Variants in TYW1B observed in about 807,000 individuals in gnomAD.
TYW1B encodes the protein S-adenosyl-L-methionine-dependent tRNA 4-demethylwyosine synthase TYW1B.
A neutral mutation model predicts 86.9 loss-of-function variants in TYW1B; 73 were observed. The observed-to-expected ratio is 0.84, with a 90% CI of 0.70 to 1.02. The LOEUF (loss-of-function observed/expected upper bound fraction) is 1.02. Ranked by LOEUF, TYW1B falls within the 50% of genes least tolerant of loss-of-function variation. The pLI, the probability that TYW1B is intolerant of heterozygous loss-of-function variation, is 0.00. For missense variants in TYW1B, 637 were observed against 827.4 expected, an observed-to-expected ratio of 0.77 and a Z score of 2.82; for synonymous variants, 248 against 292.8, an observed-to-expected ratio of 0.85 and a Z score of 1.56.
At position 72,807,237 on chromosome 7, in the gene TYW1B, T is replaced by C; in HGVS notation, c.552A>G (p.Arg184=). ...SKHGSIEANF[R]AWKTKFISQL... is the part of the protein sequence containing the mutation. ...GGGAGATGAACTTGGTCTTCCATGC[T>C]CTGAAGTTGGCCTCAATGCTGCCGT... The change falls in exon 5 of 14, where the codon AGA becomes AGG. Residue 184 remains arginine, a synonymous_variant. Transcript: ENST00000620995. The C allele has an allele frequency of 6.2e-7, 1 of 1,614,168 alleles. No homozygotes were observed. Among genetic ancestry groups the C allele is most frequent in the Non-Finnish European group, 8.5e-7 (1 of 1,180,030 alleles).
intron 11 of TYW1B, among the ~76,000 whole-genome samples, chr7:72,656,385 C>T (rs782320642): frequency 1.8e-4 from 28 of 152,208 alleles, no homozygotes; most frequent in Middle Eastern, 6.8e-3. Context: ...ATGATAAGGA[C>T]ACAAGAATGA....
intron 1 of TYW1B, 64 bp downstream of exon 1, chr7:72,828,008 G>A (rs1439279353): frequency 1.9e-6 from 3 of 1,606,842 alleles, no homozygotes; most frequent in African/African-American, 1.3e-5. Flanking sequence ...CGCCCGGAGA[G>A]GGTCTCAGTA....
rs1410902324 is a variant in TYW1B at position 72,623,810 on chromosome 7, AT to A, written c.1617+5076del. Among the ~76,000 whole-genome samples, 107 of 151,316 alleles carry A rather than the reference AT, an allele frequency of 7.1e-4. 1 individual carries two copies. Among genetic ancestry groups the A allele is most frequent in the African/African-American group, 2.5e-3 (102 of 41,298 alleles). On this transcript the variant is annotated intron_variant, in intron 12 of 13. Coordinates refer to ENST00000620995, the MANE Select transcript of TYW1B (RefSeq NM_001145440.3). ...TTATTATTGCTGTTGTTATTTATTA[AT>A]TTTTTTTTGAGATAGAGTCTTGCTC...
At chr7:72,673,197 A>T (rs1346393284) in intron 11 of TYW1B, among the ~76,000 whole-genome samples, 1 of 152,196 alleles carries the variant, frequency 6.6e-6, no homozygotes, top group Admixed American at 6.5e-5. Flanking sequence ...AAATAACTAC[A>T]GGTTTTGAAG....
intron 7 of TYW1B, among the ~76,000 whole-genome samples, chr7:72,745,165 T>C (rs1787373534): frequency 6.6e-6 from 1 of 152,168 alleles, no homozygotes; most frequent in African/African-American, 2.4e-5. Flanking sequence ...GCTGGGACTA[T>C]GGGTGTGAGC....
chr7:72,769,033 A>G, intron 7 of TYW1B: 1 of 347,080 alleles, frequency 2.9e-6, no homozygotes, highest in South Asian at 3.6e-5. Context: ...GTATTAAAAG[A>G]AGCCTACTCT....
Position 72,723,131 on chromosome 7 carries a change from T to C in TYW1B, c.1192+5691A>G, listed in dbSNP as rs1168891509. The C allele has an allele frequency of 1.6e-5, 11 of 668,628 alleles. No homozygotes were observed. The Admixed American group carries it at 2.4e-4, about 15-fold the overall frequency. 41.4% of individuals were successfully genotyped at this position (668,628 alleles called of 1,614,324 possible). A position where few individuals can be genotyped will look rare whatever the true frequency, so the allele number is the denominator to read the frequency against. On this transcript the variant is annotated intron_variant, in intron 9 of 13. Coordinates refer to ENST00000620995, the MANE Select transcript of TYW1B (RefSeq NM_001145440.3). ...TCTTGCCCCCTACCCCCAGGGCTTG[T>C]ATATAGATTATAAATATATAAGGGG... is the stretch of plus-strand genomic sequence containing the variant.
intron 10 of TYW1B, among the ~76,000 whole-genome samples, chr7:72,705,906 G>T (rs1814597515): frequency 6.6e-6 from 1 of 152,178 alleles, no homozygotes; most frequent in Non-Finnish European, 1.5e-5. Context: ...GTGGAGCTAT[G>T]TATAAGAAAT....
intron 10 of TYW1B, among the ~76,000 whole-genome samples, chr7:72,699,489 T>A (rs1814406415): frequency 6.6e-6 from 1 of 152,118 alleles, no homozygotes; most frequent in South Asian, 2.1e-4. Context: ...TGCATCTGGC[T>A]CCCCTGTGCC....
chr7:72,636,881 A>G (rs1319705691), intron 11 of TYW1B, among the ~76,000 whole-genome samples: 7 of 152,162 alleles, frequency 4.6e-5, no homozygotes, highest in Non-Finnish European at 1.0e-4. Flanking sequence ...AATTTGGTAT[A>G]AATATTCTGA....
chr7:72,827,504 CAG>C (rs782150289), intron 1 of TYW1B, among the ~76,000 whole-genome samples: 5 of 152,170 alleles, frequency 3.3e-5, no homozygotes, highest in South Asian at 2.1e-4. Context: ...AAAGAAAAAA[CAG>C]AATATAAAAC....
At chr7:72,719,414 A>G (rs1786850871) in intron 9 of TYW1B, among the ~76,000 whole-genome samples, 1 of 151,828 alleles carries the variant, frequency 6.6e-6, no homozygotes, top group South Asian at 2.1e-4. Flanking sequence ...GTGGATCATG[A>G]GGTTAGGGGT....
chr7:72,740,733 CTTTTTTT>C (rs71071910), intron 8 of TYW1B, among the ~76,000 whole-genome samples: 1 of 137,388 alleles, frequency 7.3e-6, no homozygotes, highest in East Asian at 2.1e-4. Flanking sequence ...ATGCAGTTTT[CTTTTTTT>C]TTTTTTTTGA....
rs782050051 is a variant in TYW1B, at chr7:72,824,831, C to T, written c.135+2024G>A. ...TATAATTAGAGAATGGGACTGGGCACGGTGGCTCACGACTGTAATCCCAAC... is the reference window on the plus strand; with the variant it reads ...TATAATTAGAGAATGGGACTGGGCATGGTGGCTCACGACTGTAATCCCAAC... On this transcript the variant is annotated intron_variant, in intron 2 of 13. Transcript: ENST00000620995. Among the ~76,000 whole-genome samples the T allele has an allele frequency of 3.2e-4, 48 of 152,080 alleles. No homozygotes were observed. The Middle Eastern group carries it at 0.01, about 32-fold the overall frequency.
At chr7:72,746,439 T>A (rs1554463829) in intron 7 of TYW1B, among the ~76,000 whole-genome samples, 1 of 152,198 alleles carries the variant, frequency 6.6e-6, no homozygotes, top group African/African-American at 2.4e-5. Context: ...CAAAATCTCA[T>A]GCCACTAGAG....
chr7:72,797,101 C>T (rs1554474597), intron 6 of TYW1B, among the ~76,000 whole-genome samples: 1 of 152,146 alleles, frequency 6.6e-6, no homozygotes, highest in African/African-American at 2.4e-5. Flanking sequence ...GCCACCACAC[C>T]CAGCCATATA....
intron 13 of TYW1B, among the ~76,000 whole-genome samples, chr7:72,594,198 A>C (rs1169206532): frequency 7.3e-5 from 11 of 150,430 alleles, no homozygotes; most frequent in Non-Finnish European, 1.3e-4. Context: ...AGAAAAAAAC[A>C]AAACAAAACC....
chr7:72,810,285 C>A (rs1211173433), intron 4 of TYW1B, among the ~76,000 whole-genome samples, 186 bp downstream of exon 4: 2 of 152,200 alleles, frequency 1.3e-5, no homozygotes, highest in East Asian at 1.9e-4. Flanking sequence ...CTCAATCAAT[C>A]AATAAATAAA....
At chr7:72,676,725 C>T (rs1284415285) in intron 11 of TYW1B, among the ~76,000 whole-genome samples, 1 of 152,184 alleles carries the variant, frequency 6.6e-6, no homozygotes, top group East Asian at 1.9e-4. Context: ...TTTGGGAGGC[C>T]GAGGCGGTGG....
Sources: allele counts gnomAD v4.1 joint callset (sites outside exome capture counted in the v4.1 genomes callset), GRCh38; gene constraint gnomAD v4.1.1; transcripts MANE v1.5; gene names NCBI Gene and HGNC (gene_info 2026-07-23, HGNC 2026-07-21).